C14orf39: variants seen among roughly 807,000 people sequenced by gnomAD.
C14orf39 encodes protein SIX6OS1.
In C14orf39, 66 loss-of-function variants were observed where a neutral mutation model predicts 85.6. The ratio of observed to expected loss-of-function variants is 0.77; its 90% CI spans 0.63 to 0.95. The LOEUF (loss-of-function observed/expected upper bound fraction) is 0.95, where lower values mean the gene tolerates loss of function less well. Ranked by LOEUF, C14orf39 falls within the 40% of genes least tolerant of loss-of-function variation. The pLI, the probability that C14orf39 is intolerant of heterozygous loss-of-function variation, is 0.00. For synonymous variants in C14orf39, 242 were observed against 214.0 expected, an observed-to-expected ratio of 1.13 and a Z score of -1.14; for missense variants, 735 against 663.9, an observed-to-expected ratio of 1.11 and a Z score of -1.18.
Position 60,436,538 on chromosome 14 carries a change from A to C in C14orf39, c.*307T>G, listed in dbSNP as rs79841846. 2,294 of 181,004 alleles carry C rather than the reference A, an allele frequency of 0.013. 53 individuals are homozygous for C. The highest frequency in any genetic ancestry group is 0.052 in the African/African-American group (2,194 of 42,096). The allele number at this position is 181,004 out of a possible 1,614,324, so 11.2% of individuals were successfully genotyped here. A position where few individuals can be genotyped will look rare whatever the true frequency, so the allele number is the denominator to read the frequency against. On this transcript the variant is annotated 3_prime_UTR_variant, in exon 18 of 18. Coordinates refer to ENST00000321731, the MANE Select transcript of C14orf39 (RefSeq NM_174978.3). The stretch of plus-strand genomic sequence containing the variant: ...TTCCAGAAAAAAACCTTAGGTTCCA[A>C]GGAGAAGCAGGCTTAATATTTAAAT...
intron 16 of C14orf39, among the ~76,000 whole-genome samples, chr14:60,448,225 G>A (rs545269031): frequency 6.6e-6 from 1 of 152,232 alleles, no homozygotes; most frequent in Non-Finnish European, 1.5e-5. Flanking sequence ...CTTGTGCACA[G>A]CAAAAGAAAC....
At chr14:60,474,625 T>C (rs569424478) in intron 5 of C14orf39, among the ~76,000 whole-genome samples, 3 of 152,326 alleles carry the variant, frequency 2.0e-5, no homozygotes, top group African/African-American at 7.2e-5. Flanking sequence ...TGTTGAATTT[T>C]ATCAAAGGCC....
In C14orf39 at chr14:60,437,224, G is replaced by C. The variant is rs149117761; in HGVS notation, c.1562-177C>G. 5.1e-3 allele frequency among the ~76,000 whole-genome samples: 774 copies of C among 152,034 alleles called. 16 individuals are homozygous for C. The highest frequency in any genetic ancestry group is 0.017 in the African/African-American group (725 of 41,522). On this transcript the variant is annotated intron_variant, in intron 17 of 17. Coordinates refer to ENST00000321731, the MANE Select transcript of C14orf39 (RefSeq NM_174978.3). ...TGCAAGGCATTGTCCTTGGTACTAT[G>C]AAGGTTAAAACAGACTCAAACTTAA...
intron 16 of C14orf39, among the ~76,000 whole-genome samples, chr14:60,453,955 TATTC>T (rs2140063644): frequency 6.6e-6 from 1 of 152,030 alleles, no homozygotes; most frequent in Non-Finnish European, 1.5e-5. Flanking sequence ...TAGTTTTCCT[TATTC>T]AAAGTGTACA....
rs777444025 is a variant in C14orf39 at position 60,483,826 on chromosome 14, A to G, written c.107-9T>C. ...AATATCTTCACAGCATTCTACAAAG[A>G]GAAAATGTTTATTTTCTTAATGTAG... On this transcript the variant is annotated splice_polypyrimidine_tract_variant and intron_variant, in intron 3 of 17. Transcript: ENST00000321731. The G allele has an allele frequency of 1.5e-5, 22 of 1,475,652 alleles. No homozygotes were observed. The highest frequency in any genetic ancestry group is 1.2e-5 in the Non-Finnish European group (13 of 1,075,232). The allele number at this position is 1,475,652 out of a possible 1,614,324, so 91.4% of individuals were successfully genotyped here. A position where few individuals can be genotyped will look rare whatever the true frequency, so the allele number is the denominator to read the frequency against.
chr14:60,452,800 A>AAAT (rs1891097230), intron 16 of C14orf39, among the ~76,000 whole-genome samples: 2 of 151,660 alleles, frequency 1.3e-5, no homozygotes, highest in African/African-American at 4.9e-5. Context: ...ATAAAAATTA[A>AAAT]AAATAAATAA....
At chr14:60,467,402 C>T (rs1032960297) in intron 9 of C14orf39, among the ~76,000 whole-genome samples, 2 of 151,750 alleles carry the variant, frequency 1.3e-5, no homozygotes, top group African/African-American at 2.4e-5. Context: ...TTTAAAAAGA[C>T]ATATTCAGAA....
rs10483724 is a variant in C14orf39, at chr14:60,464,648, C to T, written c.972+1331G>A. 5.6e-3 allele frequency among the ~76,000 whole-genome samples: 845 copies of T among 152,178 alleles called. 2 individuals carry two copies. The highest frequency in any genetic ancestry group is 0.018 in the African/African-American group (757 of 41,540). On this transcript the variant is annotated intron_variant, in intron 11 of 17. Coordinates refer to ENST00000321731, the MANE Select transcript of C14orf39 (RefSeq NM_174978.3). ...ATGCTTTTCACCCTGAACTCTATTT[C>T]GTACAACATTGTTACATCTGCCTTG...
intron 11 of C14orf39, among the ~76,000 whole-genome samples, chr14:60,463,921 C>G (rs1297190046): frequency 6.6e-6 from 1 of 152,096 alleles, no homozygotes; most frequent in Non-Finnish European, 1.5e-5. Flanking sequence ...ACCTCTGTGG[C>G]AGAAACTGCC....
intron 1 of C14orf39, among the ~76,000 whole-genome samples, chr14:60,508,185 T>G (rs1267038927): frequency 1.3e-5 from 2 of 152,166 alleles, no homozygotes; most frequent in African/African-American, 4.8e-5. Flanking sequence ...GTTAGAGTTG[T>G]TATCCCCAGC....
Position 60,484,806 on chromosome 14 carries a change from A to C in C14orf39, c.106+75T>G, listed in dbSNP as rs1892803887. The C allele has an allele frequency of 9.2e-7, 1 of 1,086,466 alleles. No homozygotes were observed. Among genetic ancestry groups the C allele is most frequent in the African/African-American group, 1.6e-5 (1 of 62,690 alleles). 67.3% of individuals were successfully genotyped at this position (1,086,466 alleles called of 1,614,324 possible). ...TATAACGCCAACAATAAGTTGCCCT[A>C]AACAGAGCAATTGTATGTTATATGC... is the stretch of plus-strand genomic sequence containing the variant. On this transcript the variant is annotated intron_variant, in intron 3 of 17. Transcript: ENST00000321731. This position sits in a 1 kb window ranked among gnomAD's most constrained non-coding sequence, Gnocchi z 4.2.
chr14:60,480,294 T>C (rs1176930560), intron 4 of C14orf39, among the ~76,000 whole-genome samples: 3 of 152,062 alleles, frequency 2.0e-5, no homozygotes, highest in East Asian at 1.9e-4. Flanking sequence ...TGGTGGTGCA[T>C]GCCTGTAATC....
chr14:60,503,933 G>C (rs186757059), intron 1 of C14orf39, among the ~76,000 whole-genome samples: 5 of 152,092 alleles, frequency 3.3e-5, no homozygotes, highest in Admixed American at 3.3e-4. Context: ...GATCATTTGG[G>C]GCAAGATCCT....
At chr14:60,443,093 C>G (rs1215008945) in intron 16 of C14orf39, among the ~76,000 whole-genome samples, 2 of 86,114 alleles carry the variant, frequency 2.3e-5, no homozygotes, top group African/African-American at 9.1e-5. Context: ...GTCTGCAGCT[C>G]CCAGCGAGAT....
intron 4 of C14orf39, among the ~76,000 whole-genome samples, chr14:60,481,746 G>A (rs766378647): frequency 6.6e-6 from 1 of 151,834 alleles, no homozygotes; most frequent in Non-Finnish European, 1.5e-5. Context: ...TTAGACTTGT[G>A]TATTTTTTTC....
intron 13 of C14orf39, among the ~76,000 whole-genome samples, chr14:60,459,386 G>T (rs961611600): frequency 2.0e-5 from 3 of 151,356 alleles, no homozygotes; most frequent in Non-Finnish European, 3.0e-5. Flanking sequence ...ATTTCTCTAG[G>T]TATATACCTA....
upstream of C14orf39, among the ~76,000 whole-genome samples, chr14:60,487,960 A>ATTGTTTGTT (rs1892929844): frequency 6.6e-6 from 1 of 152,006 alleles, no homozygotes; most frequent in Admixed American, 6.6e-5. Flanking sequence ...TTTTAATCAG[A>ATTGTTTGTT]TTGTTTGTTT....
intron 11 of C14orf39, among the ~76,000 whole-genome samples, chr14:60,462,737 A>G (rs1891588931): frequency 6.6e-6 from 1 of 152,112 alleles, no homozygotes; most frequent in South Asian, 2.1e-4. Context: ...CTGCGGCCCA[A>G]CACAAATTTG....
At chr14:60,505,989 A>G (rs547488242) in intron 1 of C14orf39, among the ~76,000 whole-genome samples, 2 of 152,346 alleles carry the variant, frequency 1.3e-5, no homozygotes, top group African/African-American at 4.8e-5. Flanking sequence ...CCCTGGGGGC[A>G]CTTTGCCTAA....
Sources: gnomAD v4.1 joint callset for allele counts (sites outside exome capture counted in the v4.1 genomes callset) on GRCh38, gnomAD v4.1.1 for gene constraint, Gnocchi (gnomAD v3.1) non-coding constraint, MANE v1.5 for transcripts, NCBI Gene and HGNC (gene_info 2026-07-23, HGNC 2026-07-21) for gene names.